Variants in RNF220 observed in about 807,000 individuals in gnomAD.
RNF220 encodes E3 ubiquitin-protein ligase RNF220.
RNF220 carries 7 observed loss-of-function variants against 67.1 expected under a neutral mutation model. That is an observed-to-expected ratio of 0.10 (90% CI 0.06 to 0.20). The LOEUF is 0.20. RNF220 is among the 10% of genes least tolerant of loss of function. The pLI, the probability that RNF220 is intolerant of heterozygous loss-of-function variation, is 1.00. For missense variants in RNF220, 565 were observed against 740.3 expected, an observed-to-expected ratio of 0.76 and a Z score of 2.75; for synonymous variants, 270 against 283.2, an observed-to-expected ratio of 0.95 and a Z score of 0.47.
chr1:44,542,817 G>A (rs1480210534), intron 2 of RNF220, among the ~76,000 whole-genome samples: 2 of 152,220 alleles, frequency 1.3e-5, no homozygotes, highest in Non-Finnish European at 2.9e-5. Flanking sequence ...AGCAAATTGG[G>A]CTGACCAAAG....
At chr1:44,628,568 C>T (rs1396607070) in intron 5 of RNF220, among the ~76,000 whole-genome samples, 1 of 152,200 alleles carries the variant, frequency 6.6e-6, no homozygotes, top group Non-Finnish European at 1.5e-5. Flanking sequence ...TTGTGTCCTA[C>T]AAGATAAAGC....
chr1:44,406,261 C>T (rs1445311993), intron 1 of RNF220, among the ~76,000 whole-genome samples: 3 of 152,102 alleles, frequency 2.0e-5, no homozygotes, highest in African/African-American at 4.8e-5. Context: ...ATGGATGGAT[C>T]CTCTGCGGGC....
intron 12 of RNF220, among the ~76,000 whole-genome samples, chr1:44,646,474 G>A (rs1052953649): frequency 2.6e-5 from 4 of 152,262 alleles, no homozygotes; most frequent in African/African-American, 7.2e-5. Flanking sequence ...GGAGCGGGCC[G>A]TATGGGTTCT....
At position 44,610,329 on chromosome 1, in the gene RNF220, G is replaced by T. The variant is rs576866779; in HGVS notation, c.626-3836G>T. 2.0e-5 allele frequency among the ~76,000 whole-genome samples: 3 copies of T among 152,220 alleles called. No homozygotes were observed. In the East Asian group the frequency reaches 5.8e-4, roughly 29 times the overall value. On this transcript the variant is annotated intron_variant, in intron 2 of 14. Coordinates refer to ENST00000361799, the MANE Select transcript of RNF220 (RefSeq NM_018150.4). ...CAGCGCCCGGGGATTAGCAGGAACG[G>T]CAAGCGCCCGCACCCGCCATCCTCT...
At position 44,645,087 on chromosome 1, in the gene RNF220, T is replaced by C. The variant is rs1270027337; in HGVS notation, c.1310+6T>C. On this transcript the variant is annotated splice_donor_region_variant and intron_variant, in intron 10 of 14. Coordinates refer to ENST00000361799, the MANE Select transcript of RNF220 (RefSeq NM_018150.4). The surrounding 1 kb of genome is among the most constrained non-coding windows in gnomAD (Gnocchi z 5.0). ...CTTCGGGGCGCAGTCCTAAAGCAAG[T>C]GTGGGCACAGGCTTGGGCGGGTGGA... 2 of 1,613,926 alleles carry C rather than the reference T, an allele frequency of 1.2e-6. No homozygotes were observed. Among genetic ancestry groups the C allele is most frequent in the Non-Finnish European group, 1.7e-6 (2 of 1,179,978 alleles).
rs548140229 is a variant in RNF220, at chr1:44,555,684, C to A, written c.626-58481C>A. 3.3e-5 allele frequency among the ~76,000 whole-genome samples: 5 copies of A among 149,264 alleles called. No homozygotes were observed. In the South Asian group the frequency reaches 1.1e-3, roughly 31 times the overall value. Reference sequence around the variant, plus strand: ...TAGAGACAGGGTTTCACCGTGTTAGCCAGGATGGTCTCGATCTCCTGACCT... The same window carrying A: ...TAGAGACAGGGTTTCACCGTGTTAGACAGGATGGTCTCGATCTCCTGACCT... On this transcript the variant is annotated intron_variant, in intron 2 of 14. Coordinates refer to ENST00000361799, the MANE Select transcript of RNF220 (RefSeq NM_018150.4).
At chr1:44,526,799 C>T (rs1228465502) in intron 2 of RNF220, among the ~76,000 whole-genome samples, 1 of 152,136 alleles carries the variant, frequency 6.6e-6, no homozygotes, top group Non-Finnish European at 1.5e-5. Context: ...CTCACATTGC[C>T]TCCACTTCCC....
At chr1:44,601,737 G>C (rs1316700499) in intron 2 of RNF220, among the ~76,000 whole-genome samples, 1 of 152,190 alleles carries the variant, frequency 6.6e-6, no homozygotes, top group African/African-American at 2.4e-5. Context: ...AAATATTATT[G>C]AATTGTCTCT....
intron 2 of RNF220, among the ~76,000 whole-genome samples, chr1:44,444,689 C>T (rs556143747): frequency 1.7e-4 from 26 of 152,330 alleles, no homozygotes; most frequent in Non-Finnish European, 8.8e-5. Context: ...AATTTGCCTG[C>T]CTCAGCCTCC....
intron 2 of RNF220, among the ~76,000 whole-genome samples, chr1:44,464,378 A>G (rs1335299547): frequency 6.6e-6 from 1 of 152,192 alleles, no homozygotes; most frequent in Non-Finnish European, 1.5e-5. Flanking sequence ...AGCCCAAGAG[A>G]CCAAGGCAAA....
chr1:44,509,762 C>T (rs1208030260), intron 2 of RNF220, among the ~76,000 whole-genome samples: 1 of 150,578 alleles, frequency 6.6e-6, no homozygotes, highest in Non-Finnish European at 1.5e-5. Flanking sequence ...TGGCACACAC[C>T]TGTCATCCCA....
At position 44,485,503 on chromosome 1, in the gene RNF220, TA is replaced by T. The variant is rs571947505; in HGVS notation, c.625+72785del. Among the ~76,000 whole-genome samples, 284 of 152,220 alleles carry T rather than the reference TA, an allele frequency of 1.9e-3. 1 individual carries two copies. Among genetic ancestry groups the T allele is most frequent in the African/African-American group, 6.6e-3 (273 of 41,534 alleles). On this transcript the variant is annotated intron_variant, in intron 2 of 14. Transcript: ENST00000361799. ...AAGAGAGGCACCGAAATCACTGTAG[TA>T]AAATCTTCGAGTGGGAAAAATATAA...
intron 8 of RNF220, among the ~76,000 whole-genome samples, chr1:44,640,076 C>T (rs2148494614): frequency 6.6e-6 from 1 of 152,358 alleles, no homozygotes; most frequent in African/African-American, 2.4e-5. Flanking sequence ...AGGTATGAGC[C>T]ACCACACCCG....
At chr1:44,568,349 G>A (rs1664183366) in intron 2 of RNF220, among the ~76,000 whole-genome samples, 2 of 152,196 alleles carry the variant, frequency 1.3e-5, no homozygotes, top group Non-Finnish European at 2.9e-5. Flanking sequence ...TGACTCACAT[G>A]TATTATCTCA....
chr1:44,410,211 A>C (rs1025419136), intron 1 of RNF220, among the ~76,000 whole-genome samples: 15 of 152,262 alleles, frequency 9.9e-5, no homozygotes, highest in African/African-American at 3.6e-4. Flanking sequence ...TTTTCCTCAT[A>C]TAATATTGCT....
At chr1:44,458,011 C>G (rs1272080369) in intron 2 of RNF220, among the ~76,000 whole-genome samples, 1 of 152,064 alleles carries the variant, frequency 6.6e-6, no homozygotes, top group African/African-American at 2.4e-5. Flanking sequence ...AATCCCAGTG[C>G]TTTGGGAGGC....
chr1:44,650,895 T>C lies in RNF220; in HGVS notation c.*120T>C. On this transcript the variant is annotated 3_prime_UTR_variant, in exon 15 of 15. Coordinates refer to ENST00000361799, the MANE Select transcript of RNF220 (RefSeq NM_018150.4). This position sits in a 1 kb window ranked among gnomAD's most constrained non-coding sequence, Gnocchi z 4.3. Reference sequence around the variant, plus strand: ...GGTTCCCCATGTACATACATGCACATACTCAAACATGCGTACACACACACA... The same window carrying C: ...GGTTCCCCATGTACATACATGCACACACTCAAACATGCGTACACACACACA... The C allele has an allele frequency of 1.2e-6, 1 of 829,110 alleles. No homozygotes were observed. The allele number at this position is 829,110 out of a possible 1,614,324, so 51.4% of individuals were successfully genotyped here.
rs370844960 is a variant in RNF220 at position 44,412,256 on chromosome 1, A to G, written c.159A>G (p.Ser53=). Reference sequence around the variant, plus strand: ...CACGACCCTTTGGTGTACCTGTCTCAGTTGACAAGGACGTGCATATTCCTT... The same window carrying G: ...CACGACCCTTTGGTGTACCTGTCTCGGTTGACAAGGACGTGCATATTCCTT... ...QQPRPFGVPV[S]VDKDVHIPFT... Residue 53 remains serine, a synonymous_variant, in exon 2 of 15, where the codon TCA becomes TCG. Transcript: ENST00000361799. This position sits in a 1 kb window ranked among gnomAD's most constrained non-coding sequence, Gnocchi z 5.3. 11 of 1,614,206 alleles carry G rather than the reference A, an allele frequency of 6.8e-6. No homozygotes were observed. Among genetic ancestry groups the G allele is most frequent in the Non-Finnish European group, 9.3e-6 (11 of 1,180,038 alleles).
At chr1:44,427,192 T>C (rs1339517491) in intron 2 of RNF220, among the ~76,000 whole-genome samples, 1 of 151,880 alleles carries the variant, frequency 6.6e-6, no homozygotes, top group Non-Finnish European at 1.5e-5. Context: ...CACAAGCAGG[T>C]GTGAGAGAAG....
Sources: gnomAD v4.1 joint callset for allele counts (sites outside exome capture counted in the v4.1 genomes callset) on GRCh38, gnomAD v4.1.1 for gene constraint, Gnocchi (gnomAD v3.1) non-coding constraint, MANE v1.5 for transcripts, NCBI Gene and HGNC (gene_info 2026-07-23, HGNC 2026-07-21) for gene names.